Variants in PPFIA1 observed in about 807,000 individuals in gnomAD.
The protein encoded by PPFIA1 is liprin-alpha-1.
A neutral mutation model predicts 149.9 loss-of-function variants in PPFIA1; 25 were observed. That is an observed-to-expected ratio of 0.17 (90% CI 0.12 to 0.23). The LOEUF is 0.23. Among genes scored for constraint, PPFIA1 ranks in the 10% least tolerant of loss-of-function variants. The probability of loss-of-function intolerance (pLI) is 1.00; values close to 1 mark genes in which losing one functional copy is unlikely to be tolerated. For missense variants in PPFIA1, 1,362 were observed against 1,506.5 expected, an observed-to-expected ratio of 0.90 and a Z score of 1.59; for synonymous variants, 549 against 552.8, an observed-to-expected ratio of 0.99 and a Z score of 0.10.
At chr11:70,306,214 A>G (rs182398837) in intron 2 of PPFIA1, among the ~76,000 whole-genome samples, 22 of 142,358 alleles carry the variant, frequency 1.5e-4, no homozygotes, top group Admixed American at 1.4e-3. Flanking sequence ...ATTGCTTGTG[A>G]TCTTTAATTT....
intron 23 of PPFIA1, chr11:70,374,713 G>T (rs1444990234): frequency 3.8e-6 from 2 of 523,156 alleles, no homozygotes; most frequent in African/African-American, 2.0e-5. Context: ...TCTAATGGGA[G>T]AGTCTCCCTG....
intron 14 of PPFIA1, among the ~76,000 whole-genome samples, chr11:70,339,873 C>A (rs1354657055): frequency 2.0e-5 from 3 of 151,938 alleles, no homozygotes; most frequent in African/African-American, 7.3e-5. Flanking sequence ...AAAATTAGCT[C>A]GGCACAGTGG....
intron 2 of PPFIA1, among the ~76,000 whole-genome samples, chr11:70,299,182 T>G (rs974715875): frequency 5.9e-5 from 9 of 152,236 alleles, no homozygotes; most frequent in African/African-American, 2.2e-4. Context: ...GAGGCTGCAG[T>G]GAGCCAAGAT....
chr11:70,363,539 G>A (rs895690796), intron 21 of PPFIA1, among the ~76,000 whole-genome samples: 1 of 152,094 alleles, frequency 6.6e-6, no homozygotes, highest in Non-Finnish European at 1.5e-5. Flanking sequence ...TTGGAGGCAA[G>A]GTCTTACTCT....
rs770356266 is a variant in PPFIA1, at chr11:70,343,789, C to T, written c.1828C>T (p.Leu610Phe). The change falls in exon 15 of 28, where the codon CTC (leucine) becomes TTC (phenylalanine). Residue 610 changes from leucine (L) to phenylalanine (F), a missense_variant. Coordinates refer to ENST00000253925, the MANE Select transcript of PPFIA1 (RefSeq NM_003626.5). ...TGATGGTGAAGATGACAGGGACACT[C>T]TCCTCAGCTCAGTTGACCTGCTATC... ...VSDGEDDRDT[L>F]LSSVDLLSPS... The T allele has an allele frequency of 6.2e-7, 1 of 1,614,236 alleles. No homozygotes were observed. Among genetic ancestry groups the T allele is most frequent in the Non-Finnish European group, 8.5e-7 (1 of 1,180,050 alleles).
At chr11:70,271,515 G>T (rs968865221) in intron 1 of PPFIA1, among the ~76,000 whole-genome samples, 1 of 145,292 alleles carries the variant, frequency 6.9e-6, no homozygotes, top group Non-Finnish European at 1.5e-5. Flanking sequence ...TATTTCCATT[G>T]TGGATTTTTT....
chr11:70,324,432 G>A lies in PPFIA1; in HGVS notation c.295G>A (p.Val99Ile), dbSNP rs551544898. 15 of 1,613,132 alleles carry A rather than the reference G, an allele frequency of 9.3e-6. No individual in the cohort carries two copies. In the African/African-American group the frequency reaches 1.6e-4, roughly 17 times the overall value. Reference protein sequence around the residue: ...EFAALTKELNVCREQLLEREE... With the variant: ...EFAALTKELNICREQLLEREE... Reference sequence around the variant, plus strand: ...CGCAGCACTTACTAAAGAACTCAATGTATGCAGGGAACAGCTCCTTGAAAG... The same window carrying A: ...CGCAGCACTTACTAAAGAACTCAATATATGCAGGGAACAGCTCCTTGAAAG... The change falls in exon 3 of 28, where the codon GTA (valine) becomes ATA (isoleucine). Residue 99 changes from valine to isoleucine, a missense_variant. Val to Ile is a conservative substitution (Grantham distance 29). This residue lies in a region of PPFIA1 where 79 missense variants were observed against 146.2 expected (regional missense o/e 0.54). Transcript: ENST00000253925.
intron 23 of PPFIA1, 63 bp downstream of exon 23, chr11:70,372,637 G>A: frequency 7.4e-7 from 1 of 1,346,872 alleles, no homozygotes; most frequent in Non-Finnish European, 1.0e-6. Flanking sequence ...TGGAGCCTCA[G>A]TGACTTCCTA....
chr11:70,372,401 G>A lies in PPFIA1; in HGVS notation c.3041+11G>A, dbSNP rs1437334264. The A allele has an allele frequency of 6.2e-7, 1 of 1,613,916 alleles. No individual in the cohort carries two copies. The highest frequency in any genetic ancestry group is 1.3e-5 in the African/African-American group (1 of 74,914). ...CGACAGTTTTCACAGGTAACTTAAT[G>A]GAGATAGTTCTTAATAATTGGCTAA... On this transcript the variant is annotated intron_variant, in intron 22 of 27. Transcript: ENST00000253925.
intron 24 of PPFIA1, among the ~76,000 whole-genome samples, chr11:70,376,327 A>G (rs1039161835): frequency 1.3e-5 from 2 of 150,934 alleles, no homozygotes; most frequent in Non-Finnish European, 3.0e-5. Flanking sequence ...GGGTTTTACC[A>G]TGTTGCCCAG....
At chr11:70,378,614 AACAC>A (rs547553759) in intron 26 of PPFIA1, 15 of 295,488 alleles carry the variant, frequency 5.1e-5, no homozygotes, top group Non-Finnish European at 7.0e-5. Context: ...CATTTTTAAG[AACAC>A]ACAGTTTCCA....
intron 26 of PPFIA1, among the ~76,000 whole-genome samples, chr11:70,379,269 C>A (rs538283646): frequency 2.0e-5 from 3 of 152,010 alleles, no homozygotes; most frequent in Non-Finnish European, 2.9e-5. Flanking sequence ...GCCTGACCAA[C>A]ATGGCGAAAC....
chr11:70,340,136 TAAAAA>T (rs564811432), intron 14 of PPFIA1, among the ~76,000 whole-genome samples: 3 of 138,738 alleles, frequency 2.2e-5, no homozygotes, highest in African/African-American at 8.0e-5. Context: ...CTGTCTCTAT[TAAAAA>T]AAAAAAAAAG....
chr11:70,278,831 A>G (rs1416113272), intron 2 of PPFIA1: 2 of 386,548 alleles, frequency 5.2e-6, no homozygotes, highest in Non-Finnish European at 1.0e-5. Context: ...TTTCACAGAG[A>G]TATAGTTCAC....
At chr11:70,330,078 T>G (rs762990591) in intron 7 of PPFIA1, 95 bp from the exon 8 acceptor site, 342 of 1,169,860 alleles carry the variant, frequency 2.9e-4, no homozygotes, top group Middle Eastern at 8.0e-4. Context: ...TGATTGGAAA[T>G]TTGGGATTTA....
intron 2 of PPFIA1, among the ~76,000 whole-genome samples, chr11:70,273,827 T>C (rs771482462): frequency 1.3e-5 from 2 of 152,250 alleles, no homozygotes; most frequent in African/African-American, 2.4e-5. Context: ...TACCAGGATT[T>C]TATTGTATTT....
At chr11:70,364,850 A>G (rs1365298327) in intron 21 of PPFIA1, 1 of 152,368 alleles carries the variant, frequency 6.6e-6, no homozygotes, top group African/African-American at 2.4e-5. Flanking sequence ...ATCTCCCTCA[A>G]GTAGACACAC....
At chr11:70,357,587 A>ATTT in intron 19 of PPFIA1, among the ~76,000 whole-genome samples, 1 of 142,446 alleles carries the variant, frequency 7.0e-6, no homozygotes, top group African/African-American at 2.6e-5. Context: ...CTGTGTAAGA[A>ATTT]TTTTTTTTTT....
chr11:70,318,386 C>T (rs1280255910), intron 2 of PPFIA1, among the ~76,000 whole-genome samples: 9 of 152,218 alleles, frequency 5.9e-5, no homozygotes, highest in African/African-American at 2.2e-4. Flanking sequence ...GCCCTCTTTC[C>T]CTTTACTGCG....
Sources: allele counts gnomAD v4.1 joint callset (sites outside exome capture counted in the v4.1 genomes callset), GRCh38; gene constraint gnomAD v4.1.1; regional missense constraint gnomAD v4.1.1; transcripts MANE v1.5; gene names NCBI Gene and HGNC (gene_info 2026-07-23, HGNC 2026-07-21).